Variants in HCRTR2 observed in about 807,000 individuals in gnomAD.
HCRTR2 encodes the protein hypocretin receptor 2, also known as orexin receptor type 2.
Under a neutral mutation model 49.0 loss-of-function variants are expected in HCRTR2, and 22 were observed. The ratio of observed to expected loss-of-function variants is 0.45; its 90% confidence interval spans 0.32 to 0.64. The LOEUF is 0.64. Among genes scored for constraint, HCRTR2 ranks in the 30% least tolerant of loss-of-function variants. The pLI, the probability that HCRTR2 is intolerant of heterozygous loss-of-function variation, is 0.04. For synonymous variants in HCRTR2, 236 were observed against 205.3 expected (o/e 1.15, Z -1.28); for missense variants, 491 against 559.4 (o/e 0.88, Z 1.23).
At chr6:55,152,799 A>G (rs1383083059) in intron 1 of HCRTR2, among the ~76,000 whole-genome samples, 3 of 151,976 alleles carry the variant, frequency 2.0e-5, no homozygotes, top group African/African-American at 7.2e-5. Flanking sequence ...CAACATGTGA[A>G]TTTTGAGAGG....
chr6:55,239,801 G>C (rs1452567441), intron 1 of HCRTR2, among the ~76,000 whole-genome samples: 2 of 132,942 alleles, frequency 1.5e-5, no homozygotes, highest in East Asian at 4.3e-4. Flanking sequence ...TTTTTGAGAC[G>C]GAGTCTCACT....
chr6:55,246,828 A>G (rs1581854599), intron 1 of HCRTR2, among the ~76,000 whole-genome samples: 1 of 152,104 alleles, frequency 6.6e-6, no homozygotes, highest in Non-Finnish European at 1.5e-5. Flanking sequence ...AAATGCTTAG[A>G]ACAAGGCACA....
intron 1 of HCRTR2, among the ~76,000 whole-genome samples, chr6:55,117,783 CAAAAAAAAAA>C (rs34425786): frequency 1.4e-4 from 11 of 78,312 alleles, no homozygotes; most frequent in Admixed American, 3.4e-4. Context: ...GATAAAGTCT[CAAAAAAAAAA>C]AAAAAAAAAA....
chr6:55,170,559 T>A (rs1368363132), upstream of HCRTR2, among the ~76,000 whole-genome samples: 1 of 151,624 alleles, frequency 6.6e-6, no homozygotes, highest in East Asian at 1.9e-4. Context: ...TGCAGTAGGA[T>A]ATCACATGTT....
intron 1 of HCRTR2, among the ~76,000 whole-genome samples, chr6:55,149,116 CCA>C (rs1764631250): frequency 6.6e-6 from 1 of 152,070 alleles, no homozygotes. Flanking sequence ...AGCTTTCCCA[CCA>C]CAGAGACCCT....
intron 1 of HCRTR2, among the ~76,000 whole-genome samples, chr6:55,137,356 G>C (rs1280391806): frequency 6.6e-6 from 1 of 152,170 alleles, no homozygotes; most frequent in African/African-American, 2.4e-5. Context: ...ATTGCTCTGA[G>C]ATTACGGACA....
chr6:55,211,002 G>T (rs1211790284), intron 1 of HCRTR2, among the ~76,000 whole-genome samples: 1 of 152,086 alleles, frequency 6.6e-6, no homozygotes, highest in Non-Finnish European at 1.5e-5. Flanking sequence ...TCTATGTTTA[G>T]ATATGTTCAG....
At chr6:55,241,063 G>A (rs967052106) in intron 1 of HCRTR2, among the ~76,000 whole-genome samples, 4 of 150,916 alleles carry the variant, frequency 2.7e-5, no homozygotes, top group Admixed American at 2.6e-4. Context: ...ATGCTGGTGT[G>A]CTGCACCCAT....
rs1764190330 is a variant in HCRTR2, at chr6:55,120,962, T to C, written c.-378+14417T>C. ...AGGATTGTCTTGGCAATGTGGGCTC[T>C]TTTTTGGTTCCATATGAACTTTAAA... On this transcript the variant is annotated intron_variant, in intron 1 of 7. Transcript: ENST00000615358. 2.0e-5 allele frequency among the ~76,000 whole-genome samples: 3 copies of C among 152,266 alleles called. No individual in the cohort carries two copies. In the South Asian group the frequency reaches 6.2e-4, roughly 32 times the overall value.
At chr6:55,236,065 T>A (rs1358617313) in intron 1 of HCRTR2, among the ~76,000 whole-genome samples, 1 of 152,082 alleles carries the variant, frequency 6.6e-6, no homozygotes, top group Non-Finnish European at 1.5e-5. Context: ...TAATTTGGAA[T>A]GCATTGAATC....
chr6:55,163,599 C>T (rs2127263706), intron 1 of HCRTR2, among the ~76,000 whole-genome samples: 1 of 152,194 alleles, frequency 6.6e-6, no homozygotes, highest in East Asian at 1.9e-4. Context: ...CGGGACTCCT[C>T]CCTTACACCT....
intron 1 of HCRTR2, among the ~76,000 whole-genome samples, chr6:55,201,535 T>A (rs1048221315): frequency 6.6e-6 from 1 of 152,172 alleles, no homozygotes; most frequent in Non-Finnish European, 1.5e-5. Flanking sequence ...AAGGGATTTT[T>A]TCTGGTGATT....
intron 1 of HCRTR2, among the ~76,000 whole-genome samples, chr6:55,124,405 T>TG: frequency 6.6e-6 from 1 of 152,196 alleles, no homozygotes; most frequent in Non-Finnish European, 1.5e-5. Flanking sequence ...GCTGTTCAGT[T>TG]TCCATGCAGT....
intron 3 of HCRTR2, among the ~76,000 whole-genome samples, chr6:55,262,091 A>T (rs943310972): frequency 1.3e-5 from 2 of 151,702 alleles, no homozygotes; most frequent in Non-Finnish European, 2.9e-5. Context: ...AAGAATGATA[A>T]AATGGACTTC....
rs190392725 is a variant in HCRTR2, at chr6:55,176,200, A to G, written c.223+1390A>G. Among the ~76,000 whole-genome samples the G allele has an allele frequency of 2.0e-5, 3 of 152,344 alleles. No individual in the cohort carries two copies. The East Asian group carries it at 5.8e-4, about 29-fold the overall frequency. On this transcript the variant is annotated intron_variant, in intron 1 of 6. Transcript: ENST00000370862. ...AGTATGTGAATGACAGGAGTTCTCCAGAGTGTTGGTAGAATGTTATTTGAG... is the reference window on the plus strand; with the variant it reads ...AGTATGTGAATGACAGGAGTTCTCCGGAGTGTTGGTAGAATGTTATTTGAG...
chr6:55,174,683 C>G lies in HCRTR2; in HGVS notation c.96C>G (p.Thr32=), dbSNP rs200709443. 9 of 1,613,956 alleles carry G rather than the reference C, an allele frequency of 5.6e-6. No homozygotes were observed. The highest frequency in any genetic ancestry group is 6.8e-6 in the Non-Finnish European group (8 of 1,179,994). ...NETQEPFLNP[T]DYDDEEFLRY... is the part of the protein sequence containing the mutation. ...CTCAAGAGCCCTTTTTAAACCCCAC[C>G]GACTATGACGACGAGGAATTCCTGC... Residue 32 remains threonine (T), a synonymous_variant, in exon 1 of 7, where the codon ACC becomes ACG. Coordinates refer to ENST00000370862, the MANE Select transcript of HCRTR2 (RefSeq NM_001384272.1).
At chr6:55,277,277 C>A in intron 4 of HCRTR2, 103 bp from the exon 5 acceptor site, 1 of 919,798 alleles carries the variant, frequency 1.1e-6, no homozygotes, top group Non-Finnish European at 1.8e-6. Context: ...TCCCACACCT[C>A]AGGCGTCTGG....
intron 1 of HCRTR2, among the ~76,000 whole-genome samples, chr6:55,241,711 T>C (rs758686934): frequency 1.3e-5 from 2 of 152,110 alleles, no homozygotes; most frequent in Admixed American, 6.6e-5. Flanking sequence ...TTGTGTTTTC[T>C]TTCAATCTTT....
At chr6:55,249,577 G>C (rs1471664532) in intron 2 of HCRTR2, among the ~76,000 whole-genome samples, 1 of 152,086 alleles carries the variant, frequency 6.6e-6, no homozygotes, top group African/African-American at 2.4e-5. Context: ...TATAAAAACA[G>C]TATATTCTCA....
Sources: allele counts gnomAD v4.1 joint callset (sites outside exome capture counted in the v4.1 genomes callset), GRCh38; gene constraint gnomAD v4.1.1; transcripts MANE v1.5; gene names NCBI Gene and HGNC (gene_info 2026-07-23, HGNC 2026-07-21).